Variants in TMPRSS11A observed in about 807,000 individuals in gnomAD.
TMPRSS11A encodes transmembrane protease serine 11A.
Under a neutral mutation model 58.9 loss-of-function variants are expected in TMPRSS11A, and 53 were observed. That is an observed-to-expected ratio of 0.90 (90% CI 0.72 to 1.13). The LOEUF is 1.13. Among genes scored for constraint, TMPRSS11A ranks in the 50% most tolerant of loss-of-function variants. The probability of loss-of-function intolerance (pLI) is 0.00; values close to 1 mark genes in which losing one functional copy is unlikely to be tolerated. For synonymous variants in TMPRSS11A, 167 were observed against 169.8 expected (o/e 0.98, Z 0.13); for missense variants, 493 against 499.3 (o/e 0.99, Z 0.12).
rs1015657298 is a variant in TMPRSS11A, at chr4:67,918,955, C to G, written c.952+18G>C. 4 of 1,613,434 alleles carry G rather than the reference C, an allele frequency of 2.5e-6. No homozygotes were observed. The highest frequency in any genetic ancestry group is 3.4e-6 in the Non-Finnish European group (4 of 1,179,568). On this transcript the variant is annotated intron_variant, in intron 8 of 9. Transcript: ENST00000508048. ...TAGACAGGGCTTAGCGCTCTGTTAGCTATCCTGAGATACCCACCACCATAG... is the reference window on the plus strand; with the variant it reads ...TAGACAGGGCTTAGCGCTCTGTTAGGTATCCTGAGATACCCACCACCATAG...
At chr4:67,924,266 A>T in intron 5 of TMPRSS11A, 100 bp from the exon 6 acceptor site, 1 of 973,302 alleles carries the variant, frequency 1.0e-6, no homozygotes, top group Non-Finnish European at 1.6e-6. Context: ...TATGGATTCT[A>T]GACAGTTGAA....
At position 67,946,331 on chromosome 4, in the gene TMPRSS11A, T is replaced by A. The variant is rs968400977; in HGVS notation, c.133+119A>T. ...AAATGACTGAAACAGTTAAATATACTCTGTGGAAATTTGAAGGTAAATGTG... is the reference window on the plus strand; with the variant it reads ...AAATGACTGAAACAGTTAAATATACACTGTGGAAATTTGAAGGTAAATGTG... On this transcript the variant is annotated intron_variant, in intron 2 of 9. Transcript: ENST00000508048. The A allele has an allele frequency of 8.1e-6, 8 of 989,066 alleles. No homozygotes were observed. In the Admixed American group the frequency reaches 2.2e-4, roughly 28 times the overall value. 61.3% of individuals were successfully genotyped at this position (989,066 alleles called of 1,614,324 possible).
At position 67,911,201 on chromosome 4, in the gene TMPRSS11A, C is replaced by A. The variant is rs924379448; in HGVS notation, c.*141G>T. 7 of 710,768 alleles carry A rather than the reference C, an allele frequency of 9.8e-6. No individual in the cohort carries two copies. The highest frequency in any genetic ancestry group is 1.3e-5 in the Non-Finnish European group (6 of 453,282). The allele number at this position is 710,768 out of a possible 1,614,324, so 44.0% of individuals were successfully genotyped here. A position where few individuals can be genotyped will look rare whatever the true frequency, so the allele number is the denominator to read the frequency against. ...GGATTATTGGTTGATTAAAGTGATT[C>A]TAAATAACTTACGTTGTGTGTTTCA... is the stretch of plus-strand genomic sequence containing the variant. On this transcript the variant is annotated 3_prime_UTR_variant, in exon 10 of 10. Coordinates refer to ENST00000508048, the MANE Select transcript of TMPRSS11A (RefSeq NM_001114387.2).
At chr4:67,925,274 A>G (rs76014260) in intron 5 of TMPRSS11A, among the ~76,000 whole-genome samples, 1,713 of 152,292 alleles carry the variant, frequency 0.011, 15 homozygotes, top group Non-Finnish European at 0.017. Context: ...ACAGTATACA[A>G]TTTTTATTTG....
At chr4:67,937,499 A>G (rs1442326644) in intron 3 of TMPRSS11A, among the ~76,000 whole-genome samples, 1 of 152,192 alleles carries the variant, frequency 6.6e-6, no homozygotes, top group Non-Finnish European at 1.5e-5. Context: ...TTAGATTTTA[A>G]TAATTTTATC....
In TMPRSS11A at chr4:67,911,475, C is replaced by T. The variant is rs1209016015; in HGVS notation, c.1124G>A (p.Arg375Lys). 9.3e-6 allele frequency: 15 copies of T among 1,612,650 alleles called. No homozygotes were observed. In the Admixed American group the frequency reaches 1.8e-4, roughly 20 times the overall value. Residue 375 changes from arginine (R) to lysine (K), a missense_variant, in exon 10 of 10, where the codon AGG becomes AAG. Coordinates refer to ENST00000508048, the MANE Select transcript of TMPRSS11A (RefSeq NM_001114387.2). Reference sequence around the variant, plus strand: ...GAGATACCACGTATCTTTCAGATCCCTTGTGACTAAAGGTCCCCCAGAATC... The same window carrying T: ...GAGATACCACGTATCTTTCAGATCCTTTGTGACTAAAGGTCCCCCAGAATC... ...RGDSGGPLVT[R>K]DLKDTWYLIG...
chr4:67,925,237 T>C (rs1041179335), intron 5 of TMPRSS11A, among the ~76,000 whole-genome samples: 3 of 152,204 alleles, frequency 2.0e-5, no homozygotes, highest in Non-Finnish European at 4.4e-5. Context: ...TAAACTTGTA[T>C]ACATGTATCA....
At chr4:67,943,133 G>A (rs1720918873) in intron 3 of TMPRSS11A, among the ~76,000 whole-genome samples, 1 of 152,106 alleles carries the variant, frequency 6.6e-6, no homozygotes, top group African/African-American at 2.4e-5. Context: ...ATGATAATGT[G>A]TCCTTACTTA....
At chr4:67,946,274 T>C (rs1478388440) in intron 2 of TMPRSS11A, among the ~76,000 whole-genome samples, 176 bp downstream of exon 2, 2 of 152,122 alleles carry the variant, frequency 1.3e-5, no homozygotes, top group East Asian at 3.8e-4. Flanking sequence ...AGTACTCACA[T>C]ATAATAAGAA....
chr4:67,940,086 A>G (rs774753651), intron 3 of TMPRSS11A, among the ~76,000 whole-genome samples: 2 of 152,190 alleles, frequency 1.3e-5, no homozygotes, highest in Non-Finnish European at 2.9e-5. Context: ...AATAAAGCCT[A>G]CTTGATTTTG....
At chr4:67,946,808 G>C (rs1180656050) in intron 1 of TMPRSS11A, among the ~76,000 whole-genome samples, 1 of 152,026 alleles carries the variant, frequency 6.6e-6, no homozygotes, top group Non-Finnish European at 1.5e-5. Context: ...TCTTTGTGGT[G>C]GTCAGGAATG....
intron 1 of TMPRSS11A, among the ~76,000 whole-genome samples, chr4:67,956,066 T>C (rs981735116): frequency 1.3e-5 from 2 of 152,144 alleles, no homozygotes; most frequent in African/African-American, 4.8e-5. Flanking sequence ...CCTCTCTAGT[T>C]TTCAGTTTTC....
chr4:67,945,391 ACAAAC>A (rs1436021972), intron 2 of TMPRSS11A, among the ~76,000 whole-genome samples: 2 of 152,190 alleles, frequency 1.3e-5, no homozygotes, highest in Non-Finnish European at 2.9e-5. Context: ...TTTCGAGACT[ACAAAC>A]CAAGGAAAGA....
At chr4:67,917,172 G>A (rs1216007275) in intron 8 of TMPRSS11A, among the ~76,000 whole-genome samples, 3 of 150,876 alleles carry the variant, frequency 2.0e-5, no homozygotes, top group Middle Eastern at 6.8e-3. Context: ...TTTGTTTTAG[G>A]TTTATTTTTT....
At chr4:67,922,960 A>G (rs1159135491) in intron 6 of TMPRSS11A, 34 bp from the exon 7 acceptor site, 1 of 1,602,834 alleles carries the variant, frequency 6.2e-7, no homozygotes, top group South Asian at 1.1e-5. Context: ...GTTATAAGAA[A>G]CATCTTGTAA....
chr4:67,940,275 T>A (rs1720849203), intron 3 of TMPRSS11A, among the ~76,000 whole-genome samples: 1 of 152,184 alleles, frequency 6.6e-6, no homozygotes, highest in African/African-American at 2.4e-5. Context: ...AAGTCTCTTC[T>A]CAATTCTTTG....
rs1419864976 is a variant in TMPRSS11A at position 67,952,933 on chromosome 4, AC to A, written c.12-6363del. Among the ~76,000 whole-genome samples the A allele has an allele frequency of 6.6e-5, 10 of 151,874 alleles. No homozygotes were observed. In the East Asian group the frequency reaches 1.9e-3, roughly 29 times the overall value. On this transcript the variant is annotated intron_variant, in intron 1 of 9. Coordinates refer to ENST00000508048, the MANE Select transcript of TMPRSS11A (RefSeq NM_001114387.2). ...AAAATGGTTTAAATCAGCAGCCCCA[AC>A]CTTTTTGGCACCAGGGACTGGTTTT...
chr4:67,923,730 G>A (rs956770009), intron 6 of TMPRSS11A, among the ~76,000 whole-genome samples: 18 of 152,202 alleles, frequency 1.2e-4, no homozygotes, highest in East Asian at 7.7e-4. Context: ...GGCTGGTCTC[G>A]AACTCCTGAC....
intron 1 of TMPRSS11A, among the ~76,000 whole-genome samples, chr4:67,959,886 T>C (rs1165061261): frequency 3.9e-5 from 6 of 152,248 alleles, no homozygotes; most frequent in Non-Finnish European, 8.8e-5. Flanking sequence ...ATTGCTGTGC[T>C]ATTCACAATA....
Sources: gnomAD v4.1 joint callset for allele counts (sites outside exome capture counted in the v4.1 genomes callset) on GRCh38, gnomAD v4.1.1 for gene constraint, MANE v1.5 for transcripts, NCBI Gene and HGNC (gene_info 2026-07-23, HGNC 2026-07-21) for gene names.